The following PITPNM2 variants were observed in gnomAD, a reference collection of about 807,000 sequenced individuals.
The protein encoded by PITPNM2 is membrane-associated phosphatidylinositol transfer protein 2.
PITPNM2 carries 35 observed loss-of-function variants against 132.2 expected under a neutral mutation model. The ratio of observed to expected loss-of-function variants is 0.26; its 90% CI spans 0.20 to 0.35. The LOEUF is 0.35. PITPNM2 is among the 10% of genes least tolerant of loss of function. The pLI, the probability that PITPNM2 is intolerant of heterozygous loss-of-function variation, is 1.00. For synonymous variants in PITPNM2, 738 were observed against 799.2 expected (o/e 0.92, Z 1.29); for missense variants, 1,332 against 1,912.0 (o/e 0.70, Z 5.66).
At chr12:123,068,263 C>T (rs371109565) in intron 2 of PITPNM2, among the ~76,000 whole-genome samples, 12 of 152,062 alleles carry the variant, frequency 7.9e-5, no homozygotes, top group East Asian at 3.9e-4. Context: ...GTCAGGAGAT[C>T]GAGAACATCC....
rs150722973 is a variant in PITPNM2 at position 123,009,493 on chromosome 12, T to C, written c.643+357A>G. On this transcript the variant is annotated intron_variant, in intron 6 of 25. Coordinates refer to ENST00000320201, the MANE Select transcript of PITPNM2 (RefSeq NM_020845.3). The surrounding 1 kb of genome is among the most constrained non-coding windows in gnomAD (Gnocchi z 4.8). Reference sequence around the variant, plus strand: ...AGGCCTGGGAGCCCAGAGGCCCAGATGAGCAGCAGGGAACCTGTCCCCAGG... The same window carrying C: ...AGGCCTGGGAGCCCAGAGGCCCAGACGAGCAGCAGGGAACCTGTCCCCAGG... 6.6e-6 allele frequency among the ~76,000 whole-genome samples: 1 copy of C among 152,182 alleles called. No homozygotes were observed. Among genetic ancestry groups the C allele is most frequent in the Non-Finnish European group, 1.5e-5 (1 of 68,024 alleles).
chr12:123,150,618 C>A lies in PITPNM2; in HGVS notation c.-200+135G>T, dbSNP rs994494314. 1.3e-5 allele frequency among the ~76,000 whole-genome samples: 2 copies of A among 148,510 alleles called. No individual in the cohort carries two copies. The highest frequency in any genetic ancestry group is 6.7e-5 in the Admixed American group (1 of 15,030). On this transcript the variant is annotated intron_variant, in intron 1 of 25. Transcript: ENST00000320201. This position sits in a 1 kb window ranked among gnomAD's most constrained non-coding sequence, Gnocchi z 6.0. ...CTCCGCTCCCTCCTCCAGCCCCCGG[C>A]GGGCTGGAGGCTCGGCGGGCGGGCG...
Position 123,032,426 on chromosome 12 carries a change from G to A in PITPNM2, c.78+2087C>T, listed in dbSNP as rs529356931. ...CAGGAGGTGGAGGTTGCAGTGAGCCGAGATCACGATGCTGCACTCCAGCCT... is the reference window on the plus strand; with the variant it reads ...CAGGAGGTGGAGGTTGCAGTGAGCCAAGATCACGATGCTGCACTCCAGCCT... On this transcript the variant is annotated intron_variant, in intron 3 of 25. Coordinates refer to ENST00000320201, the MANE Select transcript of PITPNM2 (RefSeq NM_020845.3). 4.5e-4 allele frequency among the ~76,000 whole-genome samples: 69 copies of A among 152,322 alleles called. 1 individual carries two copies. In the South Asian group the frequency reaches 0.012, roughly 27 times the overall value.
At chr12:123,048,234 T>C (rs1451308269) in intron 2 of PITPNM2, among the ~76,000 whole-genome samples, 4 of 152,084 alleles carry the variant, frequency 2.6e-5, no homozygotes, top group African/African-American at 9.7e-5. Flanking sequence ...TGCTACAACA[T>C]GGATGAACTC....
Position 123,030,688 on chromosome 12 carries a change from A to G in PITPNM2, c.78+3825T>C, listed in dbSNP as rs1302426168. 5.3e-5 allele frequency among the ~76,000 whole-genome samples: 8 copies of G among 151,508 alleles called. No individual in the cohort carries two copies. In the East Asian group the frequency reaches 1.2e-3, roughly 22 times the overall value. On this transcript the variant is annotated intron_variant, in intron 3 of 25. Coordinates refer to ENST00000320201, the MANE Select transcript of PITPNM2 (RefSeq NM_020845.3). ...ACCCTGGGCGACAGAGCGAGACTCC[A>G]TCTCAAAAAAAAAAAAAAGAAAACA...
intron 3 of PITPNM2, among the ~76,000 whole-genome samples, chr12:123,027,442 A>G (rs548125313): frequency 3.3e-5 from 5 of 152,274 alleles, no homozygotes; most frequent in South Asian, 2.1e-4. Context: ...ACTAAAAGCA[A>G]TGTGAAAAAG....
chr12:122,992,405 G>A lies in PITPNM2; in HGVS notation c.2404+94C>T. ...TCAGCACAAGCTGTCCCTCTCACCT[G>A]GGGAAGAACCACGTAGCATGGAGGA... On this transcript the variant is annotated intron_variant, in intron 16 of 25. Coordinates refer to ENST00000320201, the MANE Select transcript of PITPNM2 (RefSeq NM_020845.3). The surrounding 1 kb of genome is among the most constrained non-coding windows in gnomAD (Gnocchi z 6.5). The A allele has an allele frequency of 7.0e-7, 1 of 1,435,736 alleles. No individual in the cohort carries two copies. Among genetic ancestry groups the A allele is most frequent in the East Asian group, 2.5e-5 (1 of 39,932 alleles). 88.9% of individuals were successfully genotyped at this position (1,435,736 alleles called of 1,614,324 possible). A position where few individuals can be genotyped will look rare whatever the true frequency, so the allele number is the denominator to read the frequency against.
rs1250469942 is a variant in PITPNM2 at position 123,004,618 on chromosome 12, A to G, written c.953-129T>C. ...CATCACAGAGGCTGCCACAGGAGCC[A>G]GGAAGGTTCCGAAGAGAATGAAGTG... On this transcript the variant is annotated intron_variant, in intron 7 of 25. Transcript: ENST00000320201. The surrounding 1 kb of genome is among the most constrained non-coding windows in gnomAD (Gnocchi z 4.9). 2 of 829,290 alleles carry G rather than the reference A, an allele frequency of 2.4e-6. No homozygotes were observed. Among genetic ancestry groups the G allele is most frequent in the East Asian group, 2.6e-5 (1 of 38,596 alleles). 51.4% of individuals were successfully genotyped at this position (829,290 alleles called of 1,614,324 possible).
At chr12:123,020,878 A>T (rs1009654190) in intron 3 of PITPNM2, among the ~76,000 whole-genome samples, 1 of 151,892 alleles carries the variant, frequency 6.6e-6, no homozygotes, top group Non-Finnish European at 1.5e-5. Flanking sequence ...ATAATAAAAA[A>T]AAATAGCCAG....
At chr12:123,076,015 C>T (rs2041774044) in intron 2 of PITPNM2, 2 of 152,256 alleles carry the variant, frequency 1.3e-5, no homozygotes, top group South Asian at 2.1e-4. Flanking sequence ...AGATGACGAT[C>T]AGGTGCTGCC....
intron 3 of PITPNM2, among the ~76,000 whole-genome samples, chr12:123,030,334 C>G (rs1011575190): frequency 6.6e-6 from 1 of 152,200 alleles, no homozygotes; most frequent in African/African-American, 2.4e-5. Flanking sequence ...CTGCAGACAT[C>G]AAGCATAGCG....
At chr12:123,072,232 ACT>A (rs2041639286) in intron 2 of PITPNM2, among the ~76,000 whole-genome samples, 1 of 152,114 alleles carries the variant, frequency 6.6e-6, no homozygotes, top group African/African-American at 2.4e-5. Context: ...TCCATCGCTA[ACT>A]CTGCTGTGCA....
At chr12:122,997,611 C>A (rs750055635) in intron 10 of PITPNM2, 39 bp from the exon 11 acceptor site, 2 of 1,588,186 alleles carry the variant, frequency 1.3e-6, no homozygotes, top group Non-Finnish European at 1.7e-6. Flanking sequence ...CCCCAGGGAA[C>A]CCAGCTCCTT....
rs1174468614 is a variant in PITPNM2 at position 123,005,286 on chromosome 12, T to C, written c.906A>G (p.Lys302=). The C allele has an allele frequency of 6.2e-7, 1 of 1,613,712 alleles. No individual in the cohort carries two copies. The highest frequency in any genetic ancestry group is 2.2e-5 in the East Asian group (1 of 44,848). ...ACGACTTGGAGGATGTGGACCACTG[T>C]TTCTTGAGGCCGCGCCCCACTAGGG... is the stretch of plus-strand genomic sequence containing the variant. ...GEPLVGRGLK[K]QWSTSSKSSR... is the part of the protein sequence containing the mutation. Residue 302 remains lysine, a synonymous_variant, in exon 7 of 26, where the codon AAA becomes AAG. Coordinates refer to ENST00000320201, the MANE Select transcript of PITPNM2 (RefSeq NM_020845.3). The surrounding 1 kb of genome is among the most constrained non-coding windows in gnomAD (Gnocchi z 6.2).
Position 122,985,251 on chromosome 12 carries a change from G to C in PITPNM2, c.*776C>G, listed in dbSNP as rs747997434. 1 of 152,484 alleles carries C rather than the reference G, an allele frequency of 6.6e-6. No individual in the cohort carries two copies. The highest frequency in any genetic ancestry group is 2.4e-5 in the African/African-American group (1 of 41,460). The allele number at this position is 152,484 out of a possible 1,614,324, so 9.4% of individuals were successfully genotyped here. A position where few individuals can be genotyped will look rare whatever the true frequency, so the allele number is the denominator to read the frequency against. On this transcript the variant is annotated 3_prime_UTR_variant, in exon 26 of 26. Transcript: ENST00000320201. ...AAATCAGATTGAGAAGTAGAAAGGCGTAGAAACGTGGGCGGGCGGCCTTGA... is the reference window on the plus strand; with the variant it reads ...AAATCAGATTGAGAAGTAGAAAGGCCTAGAAACGTGGGCGGGCGGCCTTGA...
intron 3 of PITPNM2, among the ~76,000 whole-genome samples, chr12:123,025,313 G>A (rs1017191760): frequency 4.6e-5 from 7 of 152,106 alleles, no homozygotes; most frequent in African/African-American, 1.7e-4. Context: ...GGCCCAGAGC[G>A]ATTGAGTCCC....
chr12:123,064,574 G>A lies in PITPNM2; in HGVS notation c.-95-29889C>T, dbSNP rs1301260839. Among the ~76,000 whole-genome samples the A allele has an allele frequency of 2.6e-5, 4 of 152,140 alleles. No individual in the cohort carries two copies. Among genetic ancestry groups the A allele is most frequent in the East Asian group, 1.9e-4 (1 of 5,182 alleles). Reference sequence around the variant, plus strand: ...CTGGGGCTATTTCGGGAAGCTCTGCGCACAGCCCGCCACTTCCCTGCCAGG... The same window carrying A: ...CTGGGGCTATTTCGGGAAGCTCTGCACACAGCCCGCCACTTCCCTGCCAGG... On this transcript the variant is annotated intron_variant, in intron 2 of 25. Transcript: ENST00000320201. The surrounding 1 kb of genome is among the most constrained non-coding windows in gnomAD (Gnocchi z 4.0).
chr12:123,107,661 G>A (rs1355025479), intron 2 of PITPNM2, among the ~76,000 whole-genome samples: 3 of 152,170 alleles, frequency 2.0e-5, no homozygotes, highest in Admixed American at 1.3e-4. Context: ...ACCAGGGCCC[G>A]GTGGTCACTA....
intron 2 of PITPNM2, among the ~76,000 whole-genome samples, chr12:123,042,504 T>C (rs2040522471): frequency 1.3e-5 from 2 of 152,124 alleles, no homozygotes; most frequent in Non-Finnish European, 1.5e-5. Context: ...ATGGAATCCA[T>C]CCCAACGCAG....
Sources: gnomAD v4.1 joint callset for allele counts (sites outside exome capture counted in the v4.1 genomes callset) on GRCh38, gnomAD v4.1.1 for gene constraint, Gnocchi (gnomAD v3.1) non-coding constraint, MANE v1.5 for transcripts, NCBI Gene and HGNC (gene_info 2026-07-23, HGNC 2026-07-21) for gene names.